The following IPO11 variants were observed in gnomAD, a reference collection of about 807,000 sequenced individuals.
IPO11 encodes the protein importin 11, also known as importin-11.
A neutral mutation model predicts 143.2 loss-of-function variants in IPO11; 66 were observed. The observed-to-expected ratio is 0.46, with a 90% CI of 0.38 to 0.57. The LOEUF (loss-of-function observed/expected upper bound fraction) is 0.57, where lower values mean the gene tolerates loss of function less well. Ranked by LOEUF, IPO11 falls within the 20% of genes least tolerant of loss-of-function variation. IPO11 has a pLI of 0.00. For missense variants in IPO11, 1,026 were observed against 1,141.0 expected, an observed-to-expected ratio of 0.90 and a Z score of 1.45; for synonymous variants, 385 against 377.8, an observed-to-expected ratio of 1.02 and a Z score of -0.22.
At position 62,586,766 on chromosome 5, in the gene IPO11, AAAAT is replaced by A. The variant is rs1269095725; in HGVS notation, c.2583-4809_2583-4806del. 7.6e-3 allele frequency among the ~76,000 whole-genome samples: 576 copies of A among 76,034 alleles called. 4 individuals are homozygous for A. The highest frequency in any genetic ancestry group is 0.023 in the African/African-American group (411 of 18,134). 49.9% of individuals were successfully genotyped at this position (76,034 alleles called of 152,430 possible). A position where few individuals can be genotyped will look rare whatever the true frequency, so the allele number is the denominator to read the frequency against. On this transcript the variant is annotated intron_variant, in intron 27 of 29. Coordinates refer to ENST00000325324, the MANE Select transcript of IPO11 (RefSeq NM_016338.5). Reference sequence around the variant, plus strand: ...AACTCAGTCTCCAAAAAAAAAAAAAAAAATATATATATATATATATATATATATA... The same window carrying A: ...AACTCAGTCTCCAAAAAAAAAAAAAAATATATATATATATATATATATATA...
intron 27 of IPO11, among the ~76,000 whole-genome samples, chr5:62,566,595 G>A (rs1743947114): frequency 6.6e-6 from 1 of 151,816 alleles, no homozygotes; most frequent in Admixed American, 6.6e-5. Flanking sequence ...AAAACTAACT[G>A]GGTATGGTGG....
chr5:62,546,059 A>T (rs551636056), intron 24 of IPO11, among the ~76,000 whole-genome samples: 31 of 152,340 alleles, frequency 2.0e-4, no homozygotes, highest in African/African-American at 7.2e-4. Flanking sequence ...AAGGATCTAG[A>T]ACTAGAAATA....
At chr5:62,419,788 G>A (rs1264751605) in intron 1 of IPO11, among the ~76,000 whole-genome samples, 2 of 151,964 alleles carry the variant, frequency 1.3e-5, no homozygotes, top group African/African-American at 2.4e-5. Context: ...GAGGTCTGGG[G>A]TTTGAAATCA....
rs115679785 is a variant in IPO11 at position 62,520,304 on chromosome 5, T to C, written c.1896+4803T>C. Among the ~76,000 whole-genome samples, 1,003 of 152,260 alleles carry C rather than the reference T, an allele frequency of 6.6e-3. 18 individuals are homozygous for C. The highest frequency in any genetic ancestry group is 0.023 in the African/African-American group (959 of 41,534). Reference sequence around the variant, plus strand: ...GTTGTCTATGCAGTTGAACCTATTCTTTTCACTTGTTATCTACACATTTCC... The same window carrying C: ...GTTGTCTATGCAGTTGAACCTATTCCTTTCACTTGTTATCTACACATTTCC... On this transcript the variant is annotated intron_variant, in intron 20 of 29. Coordinates refer to ENST00000325324, the MANE Select transcript of IPO11 (RefSeq NM_016338.5).
At chr5:62,435,620 A>G (rs886507734) in intron 1 of IPO11, among the ~76,000 whole-genome samples, 5 of 151,982 alleles carry the variant, frequency 3.3e-5, no homozygotes, top group African/African-American at 1.2e-4. Flanking sequence ...TCGCGCCTGT[A>G]ATCCCAGCAC....
chr5:62,510,191 A>G (rs894171998), intron 19 of IPO11, among the ~76,000 whole-genome samples: 3 of 152,204 alleles, frequency 2.0e-5, no homozygotes, highest in Non-Finnish European at 2.9e-5. Context: ...TTAAAATGTT[A>G]TGCCAATAAT....
In IPO11 at chr5:62,559,807, T is replaced by G. The variant is rs576448689; in HGVS notation, c.2461-1329T>G. Among the ~76,000 whole-genome samples the G allele has an allele frequency of 2.0e-5, 3 of 150,378 alleles. No homozygotes were observed. The South Asian group carries it at 6.3e-4, about 32-fold the overall frequency. On this transcript the variant is annotated intron_variant, in intron 26 of 29. Transcript: ENST00000325324. Reference sequence around the variant, plus strand: ...AGCACATGCCTGTAATCCTAGCTACTTGGGAGGCTCAGGCAGGAGAATTGC... The same window carrying G: ...AGCACATGCCTGTAATCCTAGCTACGTGGGAGGCTCAGGCAGGAGAATTGC...
rs116711259 is a variant in IPO11 at position 62,484,188 on chromosome 5, A to C, written c.1174+26A>C. On this transcript the variant is annotated intron_variant, in intron 11 of 29. Transcript: ENST00000325324. ...GTAAGAATTAATTTTTTAGTGTTAG[A>C]ATGACTTTTCTCCCCTTTCTATAAA... is the stretch of plus-strand genomic sequence containing the variant. The C allele has an allele frequency of 1.7e-3, 2,585 of 1,564,134 alleles. 41 individuals are homozygous for C. The African/African-American group carries it at 0.032, about 19-fold the overall frequency.
chr5:62,433,647 G>T (rs1744071155), intron 1 of IPO11, among the ~76,000 whole-genome samples: 1 of 152,178 alleles, frequency 6.6e-6, no homozygotes, highest in South Asian at 2.1e-4. Context: ...CGCCAGACTG[G>T]ATGGGCTTCT....
At chr5:62,598,518 CTTTCTTTCTTTT>C (rs1745355323) in intron 28 of IPO11, among the ~76,000 whole-genome samples, 1 of 5,972 alleles carries the variant, frequency 1.7e-4, no homozygotes, top group East Asian at 6.2e-3. Flanking sequence ...TTCTTTCTTT[CTTTCTTTCTTTT>C]CTTTCTTTTC....
intron 29 of IPO11, among the ~76,000 whole-genome samples, chr5:62,618,828 T>C (rs906354871): frequency 6.6e-6 from 1 of 152,106 alleles, no homozygotes; most frequent in Non-Finnish European, 1.5e-5. Context: ...AATTGCCTCC[T>C]TCCCCCCAAA....
intron 27 of IPO11, chr5:62,580,845 G>C: frequency 6.4e-7 from 1 of 1,551,354 alleles, no homozygotes. Context: ...TTTTTCAAGA[G>C]AATGCCTTTG....
At chr5:62,443,485 T>G (rs1393001430) in intron 3 of IPO11, among the ~76,000 whole-genome samples, 1 of 151,400 alleles carries the variant, frequency 6.6e-6, no homozygotes, top group Non-Finnish European at 1.5e-5. Context: ...GTCAGTCATG[T>G]TGAACAAAAG....
At chr5:62,481,065 G>A (rs1213410485) in intron 9 of IPO11, among the ~76,000 whole-genome samples, 15 of 151,626 alleles carry the variant, frequency 9.9e-5, no homozygotes, top group Middle Eastern at 3.4e-3. Flanking sequence ...ACAGGCACCC[G>A]CCACCATGCC....
rs1746550068 is a variant in IPO11 at position 62,490,116 on chromosome 5, G to A, written c.1359G>A (p.Val453=). ...TTTTTTCTTAAATTTTCTTCTCAGT[G>A]TATAATGCTGTTGGATTAGCTGCTT... ...DMNALLIKDA[V]YNAVGLAAYE... Residue 453 remains valine (V), a splice_region_variant and synonymous_variant, in exon 15 of 30, where the codon GTG becomes GTA. Transcript: ENST00000325324. 2 of 1,584,986 alleles carry A rather than the reference G, an allele frequency of 1.3e-6. No individual in the cohort carries two copies. The highest frequency in any genetic ancestry group is 1.4e-5 in the African/African-American group (1 of 73,414).
chr5:62,443,634 AAG>A (rs772660518), intron 3 of IPO11, among the ~76,000 whole-genome samples: 6 of 148,232 alleles, frequency 4.0e-5, no homozygotes, highest in Non-Finnish European at 8.9e-5. Context: ...TAGGATTTGG[AAG>A]AAAAAAAAAG....
In IPO11 at chr5:62,428,471, G is replaced by T. The variant is rs570879015; in HGVS notation, c.-6-8803G>T. ...GGATTCTCCTGTCTCAGCATCCTGA[G>T]TAGCTAGGATTACAGATGCACGCCA... On this transcript the variant is annotated intron_variant, in intron 1 of 29. Transcript: ENST00000325324. Among the ~76,000 whole-genome samples the T allele has an allele frequency of 3.3e-5, 5 of 152,100 alleles. No individual in the cohort carries two copies. In the South Asian group the frequency reaches 1.0e-3, roughly 32 times the overall value.
At chr5:62,612,572 A>G (rs978026403) in intron 29 of IPO11, among the ~76,000 whole-genome samples, 7 of 152,196 alleles carry the variant, frequency 4.6e-5, no homozygotes, top group Non-Finnish European at 7.4e-5. Context: ...AAGCAGTGCC[A>G]TTTTTCTCAC....
rs994974162 is a variant in IPO11, at chr5:62,490,286, G to A, written c.1463+66G>A. The stretch of plus-strand genomic sequence containing the variant: ...CTTATTTATTTTATTAATGAAGACA[G>A]GAAGGCATTAAAATGGCTTACAATT... On this transcript the variant is annotated intron_variant, in intron 15 of 29. Transcript: ENST00000325324. 1.2e-5 allele frequency: 13 copies of A among 1,053,050 alleles called. No individual in the cohort carries two copies. In the African/African-American group the frequency reaches 2.0e-4, roughly 16 times the overall value. 65.2% of individuals were successfully genotyped at this position (1,053,050 alleles called of 1,614,324 possible). A position where few individuals can be genotyped will look rare whatever the true frequency, so the allele number is the denominator to read the frequency against.
Sources: gnomAD v4.1 joint callset for allele counts (sites outside exome capture counted in the v4.1 genomes callset) on GRCh38, gnomAD v4.1.1 for gene constraint, MANE v1.5 for transcripts, NCBI Gene and HGNC (gene_info 2026-07-23, HGNC 2026-07-21) for gene names.